MED13L: variants seen among roughly 807,000 people sequenced by gnomAD.
The protein encoded by MED13L is mediator complex subunit 13L.
Under a neutral mutation model 220.9 loss-of-function variants are expected in MED13L, and 7 were observed. That is an observed-to-expected ratio of 0.03 (90% CI 0.02 to 0.06). The LOEUF (loss-of-function observed/expected upper bound fraction) is 0.06. Among genes scored for constraint, MED13L ranks in the 10% least tolerant of loss-of-function variants. MED13L has a pLI of 1.00. For synonymous variants in MED13L, 1,011 were observed against 1,015.2 expected, an observed-to-expected ratio of 1.00 and a Z score of 0.08; for missense variants, 1,965 against 2,760.5, an observed-to-expected ratio of 0.71 and a Z score of 6.46.
intron 1 of MED13L, among the ~76,000 whole-genome samples, chr12:116,247,503 G>A (rs1159736156): frequency 6.6e-6 from 1 of 152,138 alleles, no homozygotes; most frequent in Non-Finnish European, 1.5e-5. Context: ...CTAGCTGCAT[G>A]CTCCATCCCA....
At chr12:116,216,803 C>G (rs899716890) in intron 2 of MED13L, among the ~76,000 whole-genome samples, 1 of 152,172 alleles carries the variant, frequency 6.6e-6, no homozygotes, top group Admixed American at 6.5e-5. Context: ...AAACTAGTTA[C>G]TGTAGCAAAG....
At chr12:116,104,714 T>C (rs1593048782) in intron 3 of MED13L, among the ~76,000 whole-genome samples, 1 of 152,226 alleles carries the variant, frequency 6.6e-6, no homozygotes, top group African/African-American at 2.4e-5. Flanking sequence ...TCTTCTCTTG[T>C]ATGCAAAGCA....
intron 1 of MED13L, among the ~76,000 whole-genome samples, chr12:116,257,686 T>C (rs1346644404): frequency 1.3e-5 from 2 of 152,224 alleles, no homozygotes; most frequent in South Asian, 2.1e-4. Context: ...ATGATTGTGA[T>C]ACTAAATCAT....
chr12:115,961,656 T>C (rs1875765027), intron 30 of MED13L: 1 of 515,282 alleles, frequency 1.9e-6, no homozygotes, highest in Admixed American at 3.1e-5. Flanking sequence ...GGACTGCAGG[T>C]AAAGTAGGCA....
chr12:116,150,982 G>A (rs776093639), intron 2 of MED13L, among the ~76,000 whole-genome samples: 4 of 152,194 alleles, frequency 2.6e-5, no homozygotes, highest in East Asian at 3.9e-4. Flanking sequence ...GTAGGGACTC[G>A]TGTGGATGCC....
At chr12:116,234,908 C>T (rs950487738) in intron 2 of MED13L, among the ~76,000 whole-genome samples, 3 of 151,986 alleles carry the variant, frequency 2.0e-5, no homozygotes, top group African/African-American at 7.3e-5. Context: ...AGCATTTGGG[C>T]CCCCTCAGCC....
At chr12:116,236,659 T>A (rs1189321045) in intron 2 of MED13L, among the ~76,000 whole-genome samples, 2 of 152,180 alleles carry the variant, frequency 1.3e-5, no homozygotes, top group Non-Finnish European at 1.5e-5. Context: ...AACTAAAGAT[T>A]AGAATTAGTC....
At chr12:116,136,943 C>T (rs1416844348) in intron 2 of MED13L, among the ~76,000 whole-genome samples, 2 of 152,110 alleles carry the variant, frequency 1.3e-5, no homozygotes, top group African/African-American at 4.8e-5. Flanking sequence ...TTTAAGTTAA[C>T]ATAAACAGAA....
In MED13L at chr12:116,019,580, T is replaced by C. The variant is rs557698350; in HGVS notation, c.821-168A>G. 1.6e-3 allele frequency among the ~76,000 whole-genome samples: 241 copies of C among 152,108 alleles called. 2 individuals are homozygous for C. The highest frequency in any genetic ancestry group is 5.1e-3 in the African/African-American group (212 of 41,412). On this transcript the variant is annotated intron_variant, in intron 6 of 30. Transcript: ENST00000281928. ...AGCTGTTTAAACATGTGTTCCAACATGATGATAAGAGCATTTGGAATACAA... is the reference window on the plus strand; with the variant it reads ...AGCTGTTTAAACATGTGTTCCAACACGATGATAAGAGCATTTGGAATACAA...
rs1337289898 is a variant in MED13L, at chr12:115,958,720, C to T, written c.*2546G>A. ...AAAGTCTTTTAGTGTACTGTACCAG[C>T]GCTATACTGTAGTTATTTTTTTAAA... On this transcript the variant is annotated 3_prime_UTR_variant, in exon 31 of 31. Coordinates refer to ENST00000281928, the MANE Select transcript of MED13L (RefSeq NM_015335.5). 1.3e-5 allele frequency: 2 copies of T among 152,322 alleles called. No individual in the cohort carries two copies. Among genetic ancestry groups the T allele is most frequent in the African/African-American group, 4.8e-5 (2 of 41,378 alleles). 9.4% of individuals were successfully genotyped at this position (152,322 alleles called of 1,614,324 possible).
At chr12:116,181,574 C>G (rs891714040) in intron 2 of MED13L, among the ~76,000 whole-genome samples, 1 of 152,158 alleles carries the variant, frequency 6.6e-6, no homozygotes, top group African/African-American at 2.4e-5. Context: ...ATGGCGTGAT[C>G]TCGGCTCACC....
At chr12:116,164,235 G>T (rs1879085361) in intron 2 of MED13L, among the ~76,000 whole-genome samples, 1 of 152,078 alleles carries the variant, frequency 6.6e-6, no homozygotes, top group African/African-American at 2.4e-5. Context: ...AAACTGAATA[G>T]TTTCTTACCA....
Position 116,010,617 on chromosome 12 carries a change from C to T in MED13L, c.1281-1485G>A, listed in dbSNP as rs1037034743. Among the ~76,000 whole-genome samples, 4 of 152,048 alleles carry T rather than the reference C, an allele frequency of 2.6e-5. No homozygotes were observed. In the South Asian group the frequency reaches 8.3e-4, roughly 32 times the overall value. On this transcript the variant is annotated intron_variant, in intron 9 of 30. Coordinates refer to ENST00000281928, the MANE Select transcript of MED13L (RefSeq NM_015335.5). ...AACCTGATGCAGGCAGTGGGAAAATCAGACGAAGTCGGCACACTATATGGG... is the reference window on the plus strand; with the variant it reads ...AACCTGATGCAGGCAGTGGGAAAATTAGACGAAGTCGGCACACTATATGGG...
chr12:116,136,248 A>C (rs1348648400), intron 2 of MED13L, among the ~76,000 whole-genome samples: 1 of 152,122 alleles, frequency 6.6e-6, no homozygotes. Flanking sequence ...TTTAATGAGG[A>C]AACTGAACTA....
chr12:116,174,359 C>T (rs1052735739), intron 2 of MED13L: 2 of 152,062 alleles, frequency 1.3e-5, no homozygotes, highest in Non-Finnish European at 2.9e-5. Context: ...GACACAAACA[C>T]CTGAAAGAGT....
intron 2 of MED13L, among the ~76,000 whole-genome samples, chr12:116,229,608 T>C (rs1442451091): frequency 6.6e-6 from 1 of 152,232 alleles, no homozygotes. Flanking sequence ...AGATAGACTT[T>C]AGCTTGTTCT....
intron 4 of MED13L, among the ~76,000 whole-genome samples, chr12:116,080,722 T>C (rs1009731337): frequency 1.3e-5 from 2 of 152,198 alleles, no homozygotes; most frequent in African/African-American, 2.4e-5. Flanking sequence ...AGTAGTGATT[T>C]CCAGCCTGAT....
intron 2 of MED13L, among the ~76,000 whole-genome samples, chr12:116,173,094 GAAC>G (rs1287239597): frequency 1.5e-5 from 2 of 134,966 alleles, no homozygotes; most frequent in African/African-American, 2.8e-5. Context: ...TGGCACACTA[GAAC>G]AACTCAGGAA....
At position 116,237,548 on chromosome 12, in the gene MED13L, T is replaced by C. The variant is rs142742835; in HGVS notation, c.230A>G (p.Lys77Arg). The C allele has an allele frequency of 9.3e-6, 15 of 1,614,072 alleles. No individual in the cohort carries two copies. Among genetic ancestry groups the C allele is most frequent in the African/African-American group, 4.0e-5 (3 of 74,912 alleles). ...NLLCVWRRDVKPDCKELWIFW... is the reference protein window; with the variant it reads ...NLLCVWRRDVRPDCKELWIFW... ...TATCCATAACTCTTTGCAATCTGGT[T>C]TGACATCACGACGCCATACACAAAG... The change falls in exon 2 of 31, where the codon AAA (lysine) becomes AGA (arginine). Residue 77 changes from lysine (K) to arginine (R), a missense_variant. Transcript: ENST00000281928.
Sources: allele counts gnomAD v4.1 joint callset (sites outside exome capture counted in the v4.1 genomes callset), GRCh38; gene constraint gnomAD v4.1.1; transcripts MANE v1.5; gene names NCBI Gene and HGNC (gene_info 2026-07-23, HGNC 2026-07-21).